KLHL7: variants seen among roughly 807,000 people sequenced by gnomAD.
KLHL7 encodes kelch like family member 7, also known as kelch-like protein 7.
KLHL7 carries 44 observed loss-of-function variants against 67.4 expected under a neutral mutation model. The observed-to-expected ratio is 0.65, with a 90% CI of 0.51 to 0.84. The LOEUF is 0.84. Among genes scored for constraint, KLHL7 ranks in the 40% least tolerant of loss-of-function variants. The probability of loss-of-function intolerance (pLI) is 0.00; values close to 1 mark genes in which losing one functional copy is unlikely to be tolerated. For missense variants in KLHL7, 362 were observed against 718.1 expected (o/e 0.50, Z 5.67); for synonymous variants, 252 against 243.3 (o/e 1.04, Z -0.33).
At chr7:23,144,806 T>C (rs1784304497) in intron 6 of KLHL7, among the ~76,000 whole-genome samples, 2 of 152,066 alleles carry the variant, frequency 1.3e-5, no homozygotes, top group South Asian at 4.1e-4. Flanking sequence ...TATCATAAAT[T>C]ATTGAAGGAG....
Position 23,165,727 on chromosome 7 carries a change from CT to C in KLHL7, c.969del (p.Phe323LeufsTer15). The C allele has an allele frequency of 2.5e-6, 4 of 1,614,134 alleles. No individual in the cohort carries two copies. The highest frequency in any genetic ancestry group is 3.4e-6 in the Non-Finnish European group (4 of 1,180,004). On this transcript the variant is annotated frameshift_variant, in exon 8 of 11. Transcript: ENST00000339077. LOFTEE classifies it high-confidence loss of function. The stretch of plus-strand genomic sequence containing the variant: ...ATAGCTGGACAGACATCCGCTGCCC[CT>C]TTGAAAAACGAAGAGATGCAGCATG... Reference protein sequence around the residue: ...DYSWTDIRCPFEKRRDAACVF... With the variant: ...DYSWTDIRCPXEKRRDAACVF...
chr7:23,142,619 T>A (rs989951771), intron 5 of KLHL7, among the ~76,000 whole-genome samples: 18 of 152,144 alleles, frequency 1.2e-4, no homozygotes, highest in Non-Finnish European at 2.9e-5. Context: ...TATGCACACT[T>A]GATGTAATGA....
intron 6 of KLHL7, among the ~76,000 whole-genome samples, chr7:23,146,210 T>G (rs1007785478): frequency 6.6e-6 from 1 of 152,236 alleles, no homozygotes; most frequent in Non-Finnish European, 1.5e-5. Flanking sequence ...GTTCGGTATT[T>G]TAGAGTTATC....
intron 1 of KLHL7, chr7:23,106,639 G>C (rs1170266744): frequency 9.7e-7 from 1 of 1,031,930 alleles, no homozygotes; most frequent in Non-Finnish European, 1.2e-6. Flanking sequence ...TTGAAGAGGA[G>C]TCCTCCTGTT....
chr7:23,167,005 A>G (rs1358913005), intron 8 of KLHL7, among the ~76,000 whole-genome samples: 1 of 152,002 alleles, frequency 6.6e-6, no homozygotes, highest in Non-Finnish European at 1.5e-5. Context: ...TCTGATCTTT[A>G]CTTTTCACAG....
intron 1 of KLHL7, among the ~76,000 whole-genome samples, chr7:23,115,928 T>A (rs540561590): frequency 6.6e-6 from 1 of 152,308 alleles, no homozygotes; most frequent in South Asian, 2.1e-4. Context: ...GTTTCCCTTT[T>A]TTCCCTATTA....
At chr7:23,137,677 C>G (rs902709034) in intron 4 of KLHL7, among the ~76,000 whole-genome samples, 8 of 151,216 alleles carry the variant, frequency 5.3e-5, no homozygotes, top group Non-Finnish European at 7.4e-5. Flanking sequence ...CAGGGTTTCA[C>G]CATGTTGGCC....
intron 4 of KLHL7, among the ~76,000 whole-genome samples, chr7:23,133,676 C>T (rs536416629): frequency 2.0e-5 from 3 of 152,238 alleles, no homozygotes; most frequent in South Asian, 2.1e-4. Flanking sequence ...TCAGGCGATC[C>T]GCCCGCCTCA....
chr7:23,147,250 C>T (rs546295980), intron 6 of KLHL7, among the ~76,000 whole-genome samples: 4 of 152,084 alleles, frequency 2.6e-5, no homozygotes, highest in Admixed American at 1.3e-4. Flanking sequence ...CCACCACACC[C>T]AGATAATTTT....
At chr7:23,166,987 T>C (rs1785021309) in intron 8 of KLHL7, among the ~76,000 whole-genome samples, 1 of 152,162 alleles carries the variant, frequency 6.6e-6, no homozygotes, top group African/African-American at 2.4e-5. Context: ...TTCTTCTAGT[T>C]GTTATTTTCT....
intron 9 of KLHL7, among the ~76,000 whole-genome samples, chr7:23,169,302 T>C (rs1785089301): frequency 6.6e-6 from 1 of 152,100 alleles, no homozygotes; most frequent in African/African-American, 2.4e-5. Flanking sequence ...AATTATAAAA[T>C]ATGATTAATT....
In KLHL7 at chr7:23,175,953, T is replaced by TAAAAAAAAAAAAAAAAAAA. The variant is rs57658434; in HGVS notation, c.*1662_*1680dup. The TAAAAAAAAAAAAAAAAAAA allele has an allele frequency of 3.3e-5, 2 of 60,500 alleles. No individual in the cohort carries two copies. Among genetic ancestry groups the TAAAAAAAAAAAAAAAAAAA allele is most frequent in the African/African-American group, 1.4e-4 (2 of 14,156 alleles). 3.7% of individuals were successfully genotyped at this position (60,500 alleles called of 1,614,324 possible). ...CCCAGCCTGGGCAACAGAGCAAGAC[T>TAAAAAAAAAAAAAAAAAAA]AAAAAAAAAAAAAAAAAAAAAAAAA... On this transcript the variant is annotated 3_prime_UTR_variant, in exon 11 of 11. Coordinates refer to ENST00000339077, the MANE Select transcript of KLHL7 (RefSeq NM_001031710.3).
chr7:23,169,289 C>G (rs1785089125), intron 9 of KLHL7, among the ~76,000 whole-genome samples: 1 of 151,924 alleles, frequency 6.6e-6, no homozygotes, highest in African/African-American at 2.4e-5. Flanking sequence ...AAAATAAGAG[C>G]TTAATTATAA....
chr7:23,146,078 A>C (rs1784346819), intron 6 of KLHL7, among the ~76,000 whole-genome samples: 1 of 152,156 alleles, frequency 6.6e-6, no homozygotes, highest in Non-Finnish European at 1.5e-5. Flanking sequence ...CTGTTCTCTG[A>C]GTCTGGAACA....
intron 5 of KLHL7, 104 bp downstream of exon 5, chr7:23,141,048 A>G: frequency 9.8e-7 from 1 of 1,022,908 alleles, no homozygotes. Flanking sequence ...ATATTAGGAA[A>G]GAATATGTTC....
At chr7:23,132,361 A>G (rs984748109) in intron 4 of KLHL7, among the ~76,000 whole-genome samples, 1 of 152,186 alleles carries the variant, frequency 6.6e-6, no homozygotes, top group Non-Finnish European at 1.5e-5. Flanking sequence ...CTGGGGTGAG[A>G]TGATATCTCA....
rs1785253404 is a variant in KLHL7, at chr7:23,174,647, T to C, written c.*349T>C. The stretch of plus-strand genomic sequence containing the variant: ...CGCAGTATCTTAGCTCTAGATTCTA[T>C]TTTCATGCATCACAGAAGTGCTATA... On this transcript the variant is annotated 3_prime_UTR_variant, in exon 11 of 11. Coordinates refer to ENST00000339077, the MANE Select transcript of KLHL7 (RefSeq NM_001031710.3). The C allele has an allele frequency of 2.1e-6, 1 of 467,362 alleles. No homozygotes were observed. Among genetic ancestry groups the C allele is most frequent in the Non-Finnish European group, 4.2e-6 (1 of 235,754 alleles). The allele number at this position is 467,362 out of a possible 1,614,324, so 29.0% of individuals were successfully genotyped here.
intron 9 of KLHL7, chr7:23,171,095 C>T (rs968530780): frequency 4.2e-5 from 10 of 238,486 alleles, no homozygotes; most frequent in African/African-American, 2.1e-4. Context: ...TCAGTAGAGA[C>T]GGGGTTTCAC....
intron 6 of KLHL7, among the ~76,000 whole-genome samples, chr7:23,150,821 A>C (rs1784508606): frequency 6.6e-6 from 1 of 152,184 alleles, no homozygotes; most frequent in Admixed American, 6.5e-5. Flanking sequence ...TAAGTGAAAA[A>C]AGTATGATTT....
Sources: allele counts gnomAD v4.1 joint callset (sites outside exome capture counted in the v4.1 genomes callset), GRCh38; gene constraint gnomAD v4.1.1; transcripts MANE v1.5; gene names NCBI Gene and HGNC (gene_info 2026-07-23, HGNC 2026-07-21).